NLGN3: variants seen among roughly 807,000 people sequenced by gnomAD.
The protein encoded by NLGN3 is neuroligin-3.
In NLGN3, 11 loss-of-function variants were observed where a neutral mutation model predicts 42.9. That is an observed-to-expected ratio of 0.26 (90% CI 0.16 to 0.42). The LOEUF is 0.42. Ranked by LOEUF, NLGN3 falls within the 10% of genes least tolerant of loss-of-function variation. The pLI is 1.00. For missense variants in NLGN3, 374 were observed against 733.8 expected, an observed-to-expected ratio of 0.51 and a Z score of 5.67; for synonymous variants, 279 against 312.7, an observed-to-expected ratio of 0.89 and a Z score of 1.14.
intron 3 of NLGN3, among the ~76,000 whole-genome samples, chrX:71,153,273 C>T (rs2092397162): frequency 8.9e-6 from 1 of 112,941 alleles, no homozygotes; most frequent in Non-Finnish European, 1.9e-5. Context: ...GCCAGCACAG[C>T]AGGGGCCTGC....
chrX:71,168,831 A>AAGAAAG (rs1359267885), intron 7 of NLGN3, among the ~76,000 whole-genome samples: 1 of 81,611 alleles, frequency 1.2e-5, no homozygotes, highest in African/African-American at 6.9e-5. Flanking sequence ...AAAAGAAAGA[A>AAGAAAG]AGAAAGAAAG....
At chrX:71,163,192 A>G (rs1004166700) in intron 5 of NLGN3, among the ~76,000 whole-genome samples, 2 of 110,699 alleles carry the variant, frequency 1.8e-5, no homozygotes, top group Non-Finnish European at 3.8e-5. Context: ...CCATGGTGAC[A>G]TGTCTCCTCA....
At chrX:71,173,347 G>C (rs1051559425), downstream of NLGN3, among the ~76,000 whole-genome samples, 2 of 111,161 alleles carry the variant, frequency 1.8e-5, no homozygotes, top group African/African-American at 6.5e-5. Context: ...CCTTTGAAAG[G>C]TCTAGGTGGA....
intron 4 of NLGN3, 62 bp downstream of exon 4, chrX:71,153,598 T>A: frequency 2.1e-6 from 2 of 970,814 alleles, no homozygotes; most frequent in Non-Finnish European, 2.9e-6. Flanking sequence ...CCCTTCTCGA[T>A]GGGGAGAAGC....
At chrX:71,167,888 C>G in intron 7 of NLGN3, 88 bp downstream of exon 7, 1 of 847,265 alleles carries the variant, frequency 1.2e-6, no homozygotes, top group Non-Finnish European at 1.8e-6. Context: ...CCATCATATC[C>G]CTTCCTAAGA....
At chrX:71,146,153 T>TCTCTCACACACACA (rs1185227027) in intron 1 of NLGN3, among the ~76,000 whole-genome samples, 3 of 26,357 alleles carry the variant, frequency 1.1e-4, no homozygotes, top group African/African-American at 3.1e-4. Context: ...TCTCTCTCTC[T>TCTCTCACACACACA]CACACACACA....
chrX:71,155,408 A>T, intron 5 of NLGN3, 45 bp downstream of exon 5: 1 of 1,189,808 alleles, frequency 8.4e-7, no homozygotes, highest in Non-Finnish European at 1.1e-6. Context: ...TGGCTTCGCA[A>T]GGGGGGAGGA....
chrX:71,170,034 C>T lies in NLGN3; in HGVS notation c.2484C>T (p.Asn828=), dbSNP rs1486582807. 1.7e-6 allele frequency: 2 copies of T among 1,210,299 alleles called. No homozygotes were observed. The highest frequency in any genetic ancestry group is 3.5e-5 in the South Asian group (2 of 56,784). ...LVGLQTLHPY[N]TFAAGFNSTG... ...GGCTGCAGACATTGCACCCCTATAACACCTTTGCCGCAGGGTTCAACAGTA... is the reference window on the plus strand; with the variant it reads ...GGCTGCAGACATTGCACCCCTATAATACCTTTGCCGCAGGGTTCAACAGTA... Residue 828 remains asparagine, a synonymous_variant, in exon 8 of 8, where the codon AAC becomes AAT. Coordinates refer to ENST00000358741, the MANE Select transcript of NLGN3 (RefSeq NM_181303.2).
intron 4 of NLGN3, among the ~76,000 whole-genome samples, chrX:71,153,972 G>T (rs1569484196): frequency 8.9e-6 from 1 of 111,745 alleles, no homozygotes; most frequent in South Asian, 3.8e-4. Flanking sequence ...TGGGAGAGGG[G>T]CCCCGCAGGA....
In NLGN3 at chrX:71,167,231, T is replaced by C. The variant is rs1477582214; in HGVS notation, c.1134T>C (p.Ile378=). Residue 378 remains isoleucine (I), a synonymous_variant, in exon 7 of 8, where the codon ATT becomes ATC. Coordinates refer to ENST00000358741, the MANE Select transcript of NLGN3 (RefSeq NM_181303.2). ...ARYHVAFGPV[I]DGDVIPDDPE... is the part of the protein sequence containing the mutation. ...ACCACGTGGCCTTTGGCCCTGTGATTGATGGTGATGTCATTCCTGATGACC... is the reference window on the plus strand; with the variant it reads ...ACCACGTGGCCTTTGGCCCTGTGATCGATGGTGATGTCATTCCTGATGACC... 2 of 1,209,739 alleles carry C rather than the reference T, an allele frequency of 1.7e-6. No individual in the cohort carries two copies. The highest frequency in any genetic ancestry group is 2.2e-6 in the Non-Finnish European group (2 of 895,009).
intron 5 of NLGN3, among the ~76,000 whole-genome samples, chrX:71,163,763 C>T (rs1012276194): frequency 1.8e-5 from 2 of 112,058 alleles, no homozygotes; most frequent in Non-Finnish European, 3.8e-5. Flanking sequence ...AATCAAGGAC[C>T]GTCTGACTCC....
intron 5 of NLGN3, among the ~76,000 whole-genome samples, chrX:71,161,684 G>T (rs1247244069): frequency 9.0e-6 from 1 of 111,489 alleles, no homozygotes; most frequent in Non-Finnish European, 1.9e-5. Flanking sequence ...TGAGACAGAA[G>T]AATCACTTGA....
chrX:71,166,945 G>A, intron 6 of NLGN3, 66 bp from the exon 7 acceptor site: 1 of 988,762 alleles, frequency 1.0e-6, no homozygotes, highest in Non-Finnish European at 1.4e-6. Context: ...AGTGACAAAG[G>A]AATGAAGAGA....
intron 4 of NLGN3, 126 bp downstream of exon 4, chrX:71,153,662 G>A (rs890294554): frequency 2.3e-5 from 15 of 640,694 alleles, no homozygotes; most frequent in Admixed American, 1.6e-4. Context: ...GTACAAGGCC[G>A]TTGGGCTGTT....
chrX:71,150,306 T>C (rs1176484699), intron 3 of NLGN3, among the ~76,000 whole-genome samples: 1 of 111,930 alleles, frequency 8.9e-6, no homozygotes, highest in African/African-American at 3.3e-5. Flanking sequence ...GCAAGTCTTG[T>C]CCTTCAAGAA....
intron 3 of NLGN3, among the ~76,000 whole-genome samples, chrX:71,151,370 G>C (rs1335622168): frequency 8.9e-6 from 1 of 112,168 alleles, no homozygotes; most frequent in Non-Finnish European, 1.9e-5. Context: ...ATCAGGAAGT[G>C]GGTTCCAGAC....
At chrX:71,155,407 A>G in intron 5 of NLGN3, 44 bp downstream of exon 5, 1 of 1,191,729 alleles carries the variant, frequency 8.4e-7, no homozygotes, top group Non-Finnish European at 1.1e-6. Context: ...CTGGCTTCGC[A>G]AGGGGGGAGG....
At chrX:71,148,350 AC>A (rs1487221481) in intron 2 of NLGN3, 144 bp downstream of exon 2, 5 of 457,612 alleles carry the variant, frequency 1.1e-5, no homozygotes, top group African/African-American at 8.5e-5. Context: ...TTGGCCTCCC[AC>A]CCCCCTCCCT....
chrX:71,147,439 A>C, intron 1 of NLGN3, 111 bp from the exon 2 acceptor site: 1 of 370,023 alleles, frequency 2.7e-6, no homozygotes, highest in Non-Finnish European at 4.7e-6. Flanking sequence ...TGGGCATGTG[A>C]AACCTCTCCT....
Sources: allele counts gnomAD v4.1 joint callset (sites outside exome capture counted in the v4.1 genomes callset), GRCh38; gene constraint gnomAD v4.1.1; transcripts MANE v1.5; gene names NCBI Gene and HGNC (gene_info 2026-07-23, HGNC 2026-07-21).